Variants in ATF6 observed in about 807,000 individuals in gnomAD.
ATF6 encodes cyclic AMP-dependent transcription factor ATF-6 alpha.
A neutral mutation model predicts 83.6 loss-of-function variants in ATF6; 53 were observed. The observed-to-expected ratio is 0.63, with a 90% CI of 0.51 to 0.80. ATF6 has a LOEUF of 0.80. Among genes scored for constraint, ATF6 ranks in the 30% least tolerant of loss-of-function variants. The pLI, the probability that ATF6 is intolerant of heterozygous loss-of-function variation, is 0.00. For missense variants in ATF6, 744 were observed against 797.9 expected (o/e 0.93, Z 0.81); for synonymous variants, 288 against 285.8 (o/e 1.01, Z -0.08).
At chr1:161,822,236 A>G (rs886364533) in intron 9 of ATF6, among the ~76,000 whole-genome samples, 6 of 152,196 alleles carry the variant, frequency 3.9e-5, no homozygotes, top group Admixed American at 2.0e-4. Flanking sequence ...TAGAGGAAGG[A>G]AAGTAACAAG....
intron 1 of ATF6, among the ~76,000 whole-genome samples, chr1:161,774,995 G>T (rs1684481538): frequency 1.3e-5 from 2 of 152,126 alleles, no homozygotes; most frequent in Admixed American, 1.3e-4. Flanking sequence ...CAATTCCAGG[G>T]CTGGGAAAGT....
chr1:161,892,043 A>G (rs1486398355), intron 14 of ATF6: 1 of 152,252 alleles, frequency 6.6e-6, no homozygotes, highest in Non-Finnish European at 1.5e-5. Flanking sequence ...AAGTTCTGCT[A>G]TCCGTTGAAC....
chr1:161,807,667 G>A (rs1571148127), intron 7 of ATF6, among the ~76,000 whole-genome samples: 2 of 152,174 alleles, frequency 1.3e-5, no homozygotes, highest in South Asian at 4.2e-4. Flanking sequence ...TTAAATGTAG[G>A]TTTGGAGCTT....
intron 13 of ATF6, among the ~76,000 whole-genome samples, chr1:161,862,096 G>A (rs530613698): frequency 8.5e-5 from 13 of 152,278 alleles, no homozygotes; most frequent in African/African-American, 2.9e-4. Context: ...AGGCTTGCAG[G>A]AACCTAACCC....
intron 7 of ATF6, among the ~76,000 whole-genome samples, chr1:161,807,865 C>T (rs6664148): frequency 0.093 from 3,003 of 32,408 alleles, 154 homozygotes; most frequent in African/African-American, 0.2. Flanking sequence ...AGTTTGTCAT[C>T]TTTTTTTTTT....
At position 161,845,775 on chromosome 1, in the gene ATF6, C is replaced by CAAA. The variant is rs66887008; in HGVS notation, c.1188-656_1188-654dup. 3.2e-4 allele frequency among the ~76,000 whole-genome samples: 24 copies of CAAA among 74,532 alleles called. 1 individual carries two copies. The highest frequency in any genetic ancestry group is 5.7e-4 in the African/African-American group (14 of 24,748). 48.9% of individuals were successfully genotyped at this position (74,532 alleles called of 152,430 possible). On this transcript the variant is annotated intron_variant, in intron 9 of 15. Coordinates refer to ENST00000367942, the MANE Select transcript of ATF6 (RefSeq NM_007348.4). ...TGGGTGACAGAGTGAGACCCTGTCT[C>CAAA]AAAAAAAAAAAAAAAAAAAAGTTAA...
At chr1:161,905,571 G>A (rs535382079) in intron 14 of ATF6, among the ~76,000 whole-genome samples, 1 of 152,254 alleles carries the variant, frequency 6.6e-6, no homozygotes, top group Non-Finnish European at 1.5e-5. Flanking sequence ...GAAACATCTT[G>A]TAAACATTAT....
intron 2 of ATF6, among the ~76,000 whole-genome samples, chr1:161,780,541 T>C (rs1011082709): frequency 6.6e-6 from 1 of 151,812 alleles, no homozygotes; most frequent in Non-Finnish European, 1.5e-5. Flanking sequence ...GCCCGGCTAA[T>C]TTTTTGTATT....
chr1:161,921,679 A>G (rs191848661), intron 15 of ATF6, among the ~76,000 whole-genome samples: 88 of 152,184 alleles, frequency 5.8e-4, no homozygotes, highest in African/African-American at 2.0e-3. Flanking sequence ...TGAATTAGAG[A>G]TGTCATTGGT....
chr1:161,783,443 G>C (rs1433660351), intron 3 of ATF6, among the ~76,000 whole-genome samples: 2 of 152,078 alleles, frequency 1.3e-5, no homozygotes, highest in Non-Finnish European at 2.9e-5. Flanking sequence ...TAGTTGCTCA[G>C]TACATTTTTA....
chr1:161,941,962 C>CT (rs1358439205), intron 15 of ATF6, among the ~76,000 whole-genome samples: 11 of 149,894 alleles, frequency 7.3e-5, no homozygotes, highest in Admixed American at 2.0e-4. Context: ...TTCCTCTTAT[C>CT]TTCTTTTTTT....
intron 15 of ATF6, among the ~76,000 whole-genome samples, chr1:161,914,396 T>A (rs1023390909): frequency 3.3e-5 from 5 of 152,128 alleles, no homozygotes; most frequent in Non-Finnish European, 7.4e-5. Flanking sequence ...CTCTAACCCT[T>A]ATTTGTTGCT....
intron 15 of ATF6, among the ~76,000 whole-genome samples, chr1:161,923,221 G>GC (rs1553242258): frequency 1.1e-4 from 16 of 150,642 alleles, no homozygotes; most frequent in East Asian, 2.0e-4. Flanking sequence ...AGGTGGTGGT[G>GC]TTTTTTTTTT....
intron 12 of ATF6, 51 bp downstream of exon 12, chr1:161,853,374 T>G: frequency 2.8e-6 from 4 of 1,417,428 alleles, no homozygotes; most frequent in Non-Finnish European, 4.0e-6. Context: ...GTTGGAAGGC[T>G]TCTCCCAGCT....
intron 1 of ATF6, among the ~76,000 whole-genome samples, chr1:161,769,109 G>A (rs1684330406): frequency 6.6e-6 from 1 of 152,108 alleles, no homozygotes; most frequent in Non-Finnish European, 1.5e-5. Context: ...GTGATTACAT[G>A]GTCACTGTTG....
Position 161,847,737 on chromosome 1 carries a change from C to G in ATF6, c.1319+1157C>G, listed in dbSNP as rs549620131. Reference sequence around the variant, plus strand: ...TATAATTTTGAATTCTGTTAGTGTCCACATAAGATCCATCAAAAATTAAAT... The same window carrying G: ...TATAATTTTGAATTCTGTTAGTGTCGACATAAGATCCATCAAAAATTAAAT... On this transcript the variant is annotated intron_variant, in intron 10 of 15. Coordinates refer to ENST00000367942, the MANE Select transcript of ATF6 (RefSeq NM_007348.4). Among the ~76,000 whole-genome samples, 239 of 151,952 alleles carry G rather than the reference C, an allele frequency of 1.6e-3. 2 individuals carry two copies. The highest frequency in any genetic ancestry group is 0.014 in the Middle Eastern group (4 of 294).
intron 14 of ATF6, among the ~76,000 whole-genome samples, chr1:161,911,254 G>C (rs1687987050): frequency 6.6e-6 from 1 of 152,128 alleles, no homozygotes; most frequent in Non-Finnish European, 1.5e-5. Context: ...GTTTAACCAT[G>C]CTCCCTTAAA....
intron 10 of ATF6, among the ~76,000 whole-genome samples, chr1:161,848,007 G>T (rs997691528): frequency 6.6e-6 from 1 of 151,950 alleles, no homozygotes; most frequent in Non-Finnish European, 1.5e-5. Flanking sequence ...CTTTCTGGCT[G>T]AAATTTATCA....
chr1:161,920,294 C>CTTTTTTTTTTT (rs71798307), intron 15 of ATF6, among the ~76,000 whole-genome samples: 5,951 of 54,436 alleles, frequency 0.11, 2,164 homozygotes, highest in East Asian at 0.18. Flanking sequence ...CTCTCTCTCT[C>CTTTTTTTTTTT]TTTTTTTTTT....
Sources: allele counts gnomAD v4.1 joint callset (sites outside exome capture counted in the v4.1 genomes callset), GRCh38; gene constraint gnomAD v4.1.1; transcripts MANE v1.5; gene names NCBI Gene and HGNC (gene_info 2026-07-23, HGNC 2026-07-21).